Variants in FAM91A1 observed in about 807,000 individuals in gnomAD.
FAM91A1 encodes protein FAM91A1.
Under a neutral mutation model 113.5 loss-of-function variants are expected in FAM91A1, and 41 were observed. That is an observed-to-expected ratio of 0.36 (90% CI 0.28 to 0.47). FAM91A1 has a LOEUF of 0.47. Among genes scored for constraint, FAM91A1 ranks in the 20% least tolerant of loss-of-function variants. The probability of loss-of-function intolerance (pLI) is 1.00; values close to 1 mark genes in which losing one functional copy is unlikely to be tolerated. For synonymous variants in FAM91A1, 307 were observed against 347.9 expected, an observed-to-expected ratio of 0.88 and a Z score of 1.31; for missense variants, 696 against 1,001.2, an observed-to-expected ratio of 0.70 and a Z score of 4.11.
At chr8:123,770,503 A>G (rs903072690) in intron 1 of FAM91A1, among the ~76,000 whole-genome samples, 2 of 152,200 alleles carry the variant, frequency 1.3e-5, no homozygotes, top group Admixed American at 6.5e-5. Context: ...TTCTTTTGTT[A>G]ATCTTGAATA....
chr8:123,808,413 A>T (rs766971468), intron 21 of FAM91A1, 37 bp downstream of exon 21: 2 of 1,546,486 alleles, frequency 1.3e-6, no homozygotes, highest in South Asian at 2.3e-5. Flanking sequence ...TTATTAGACT[A>T]ATTTCTGAGG....
At chr8:123,800,365 G>A (rs1281484988) in intron 18 of FAM91A1, among the ~76,000 whole-genome samples, 1 of 152,040 alleles carries the variant, frequency 6.6e-6, no homozygotes, top group Non-Finnish European at 1.5e-5. Flanking sequence ...ATAGCATACT[G>A]TAATATAAGT....
At position 123,814,796 on chromosome 8, in the gene FAM91A1, A is replaced by T. The variant is rs555389360; in HGVS notation, c.*2092A>T. The T allele has an allele frequency of 2.9e-4, 44 of 152,774 alleles. No individual in the cohort carries two copies. The highest frequency in any genetic ancestry group is 8.7e-4 in the African/African-American group (36 of 41,586). 9.5% of individuals were successfully genotyped at this position (152,774 alleles called of 1,614,324 possible). ...TTGTGAATTTGGCTTTGTTTTACTT[A>T]TACATTAACTCATGTAATCTCTTAA... On this transcript the variant is annotated 3_prime_UTR_variant, in exon 24 of 24. Transcript: ENST00000334705.
chr8:123,799,661 G>A lies in FAM91A1; in HGVS notation c.1695+7G>A, dbSNP rs368999629. Reference sequence around the variant, plus strand: ...ACTGCCAGATATATTTCAGGTATGTGTGGGAGGTTTGGGTGGTTTTTTTAT... The same window carrying A: ...ACTGCCAGATATATTTCAGGTATGTATGGGAGGTTTGGGTGGTTTTTTTAT... On this transcript the variant is annotated splice_region_variant and intron_variant, in intron 17 of 23. Transcript: ENST00000334705. The A allele has an allele frequency of 6.2e-7, 1 of 1,613,610 alleles. No individual in the cohort carries two copies. Among genetic ancestry groups the A allele is most frequent in the African/African-American group, 1.3e-5 (1 of 75,032 alleles).
intron 18 of FAM91A1, among the ~76,000 whole-genome samples, chr8:123,804,095 A>G (rs1563648218): frequency 6.6e-6 from 1 of 152,230 alleles, no homozygotes; most frequent in Non-Finnish European, 1.5e-5. Context: ...CTGAATTATC[A>G]TTTGTAACAT....
chr8:123,789,108 G>A (rs995419418), intron 14 of FAM91A1, among the ~76,000 whole-genome samples: 3 of 152,090 alleles, frequency 2.0e-5, no homozygotes, highest in Admixed American at 6.5e-5. Context: ...TATCTCCTAG[G>A]GAGGTCATAG....
chr8:123,810,374 A>G lies in FAM91A1; in HGVS notation c.2331+23A>G, dbSNP rs1815922627. On this transcript the variant is annotated intron_variant, in intron 23 of 23. Transcript: ENST00000334705. The stretch of plus-strand genomic sequence containing the variant: ...CAGGTAACAAAAACCAAAAAGTCCA[A>G]ATGGTACTTGTACTGAGCTTTAAGT... 2.5e-6 allele frequency: 4 copies of G among 1,607,460 alleles called. No homozygotes were observed. The East Asian group carries it at 8.9e-5, about 36-fold the overall frequency.
chr8:123,777,254 C>A lies in FAM91A1; in HGVS notation c.310-11C>A, dbSNP rs1321322161. 6.4e-7 allele frequency: 1 copy of A among 1,573,672 alleles called. No homozygotes were observed. The highest frequency in any genetic ancestry group is 2.3e-5 in the East Asian group (1 of 44,058). ...TTAGATTTCAAATTTAAATTTTTTT[C>A]TTTTTAAAAGGATATTATGAACAGT... On this transcript the variant is annotated splice_polypyrimidine_tract_variant and intron_variant, in intron 3 of 23. Transcript: ENST00000334705.
At position 123,774,167 on chromosome 8, in the gene FAM91A1, A is replaced by G. The variant is rs1814924522; in HGVS notation, c.157+3A>G. On this transcript the variant is annotated splice_donor_region_variant and intron_variant, in intron 2 of 23. Transcript: ENST00000334705. The stretch of plus-strand genomic sequence containing the variant: ...GTTACGATATAGAAATAACTTAGGT[A>G]AGTAGAGCCATGTTTATATTGGGGT... The G allele has an allele frequency of 1.9e-6, 3 of 1,603,612 alleles. No individual in the cohort carries two copies. The highest frequency in any genetic ancestry group is 1.1e-5 in the South Asian group (1 of 89,134).
chr8:123,773,059 C>T (rs997437173), intron 1 of FAM91A1, among the ~76,000 whole-genome samples: 2 of 152,056 alleles, frequency 1.3e-5, no homozygotes, highest in African/African-American at 4.8e-5. Context: ...AGTTCAAACC[C>T]GTGTTGTCCA....
chr8:123,768,899 G>C (rs530901202), intron 1 of FAM91A1, 125 bp downstream of exon 1: 98 of 969,178 alleles, frequency 1.0e-4, no homozygotes, highest in Non-Finnish European at 1.4e-4. Context: ...CTCCTCCGTG[G>C]TCTTGGGGAG....
At chr8:123,793,041 C>T (rs532794199) in intron 15 of FAM91A1, among the ~76,000 whole-genome samples, 1 of 152,254 alleles carries the variant, frequency 6.6e-6, no homozygotes, top group Admixed American at 6.5e-5. Context: ...CAGGATGTAG[C>T]CCTTCCTTTA....
chr8:123,803,713 G>A (rs1450274633), intron 18 of FAM91A1, among the ~76,000 whole-genome samples: 1 of 152,158 alleles, frequency 6.6e-6, no homozygotes, highest in African/African-American at 2.4e-5. Flanking sequence ...ATTTAAACGT[G>A]TTACAAATTA....
At chr8:123,783,667 T>C (rs1470658831) in intron 8 of FAM91A1, among the ~76,000 whole-genome samples, 1 of 152,182 alleles carries the variant, frequency 6.6e-6, no homozygotes, top group East Asian at 1.9e-4. Context: ...CATTCCTCCT[T>C]CTCAGGATAT....
At chr8:123,796,230 T>C (rs1463935451) in intron 15 of FAM91A1, among the ~76,000 whole-genome samples, 1 of 152,154 alleles carries the variant, frequency 6.6e-6, no homozygotes, top group African/African-American at 2.4e-5. Context: ...TTGTCTGCTC[T>C]ATGGAAGAGA....
At chr8:123,801,846 A>G (rs1453771193) in intron 18 of FAM91A1, among the ~76,000 whole-genome samples, 1 of 151,122 alleles carries the variant, frequency 6.6e-6, no homozygotes, top group Non-Finnish European at 1.5e-5. Flanking sequence ...TCTAGTGCCC[A>G]GCACGGTGCT....
chr8:123,812,525 G>T lies in FAM91A1; in HGVS notation c.2338G>T (p.Ala780Ser). The T allele has an allele frequency of 1.9e-6, 3 of 1,579,150 alleles. No individual in the cohort carries two copies. The highest frequency in any genetic ancestry group is 2.6e-6 in the Non-Finnish European group (3 of 1,167,138). Residue 780 changes from alanine to serine, a missense_variant, in exon 24 of 24, where the codon GCT becomes TCT. Physicochemically the swap from Ala to Ser is moderately conservative, Grantham distance 99. Coordinates refer to ENST00000334705, the MANE Select transcript of FAM91A1 (RefSeq NM_144963.4). ...TTGTTTCTTGATCTTTTAGGAAGGT[G>T]CTTCAATATTGGATATTCACACAGA... ...LNFVHSFQEG[A>S]SILDIHTEPS...
chr8:123,802,786 A>C (rs1166913114), intron 18 of FAM91A1, among the ~76,000 whole-genome samples: 1 of 152,224 alleles, frequency 6.6e-6, no homozygotes, highest in African/African-American at 2.4e-5. Flanking sequence ...TGGTTCCATC[A>C]TTTACTAGTA....
chr8:123,791,954 C>T (rs1815396251), intron 15 of FAM91A1, among the ~76,000 whole-genome samples: 1 of 152,060 alleles, frequency 6.6e-6, no homozygotes, highest in Admixed American at 6.5e-5. Flanking sequence ...GCAGGCGGTT[C>T]ACTTGAGGTC....
Sources: gnomAD v4.1 joint callset for allele counts (sites outside exome capture counted in the v4.1 genomes callset) on GRCh38, gnomAD v4.1.1 for gene constraint, MANE v1.5 for transcripts, NCBI Gene and HGNC (gene_info 2026-07-23, HGNC 2026-07-21) for gene names.